ANO6: variants seen among roughly 807,000 people sequenced by gnomAD.
ANO6 encodes anoctamin-6.
In ANO6, 106 loss-of-function variants were observed where a neutral mutation model predicts 117.5. The ratio of observed to expected loss-of-function variants is 0.90; its 90% CI spans 0.77 to 1.06. ANO6 has a LOEUF of 1.06. Ranked by LOEUF, ANO6 falls within the 50% of genes least tolerant of loss-of-function variation. The pLI is 0.00. For synonymous variants in ANO6, 367 were observed against 385.1 expected, an observed-to-expected ratio of 0.95 and a Z score of 0.55; for missense variants, 955 against 1,121.1, an observed-to-expected ratio of 0.85 and a Z score of 2.12.
At chr12:45,296,208 AG>A (rs1939289020) in intron 1 of ANO6, among the ~76,000 whole-genome samples, 1 of 152,210 alleles carries the variant, frequency 6.6e-6, no homozygotes, top group Non-Finnish European at 1.5e-5. Flanking sequence ...GAAGAGTTTC[AG>A]GTACAAGACA....
intron 12 of ANO6, among the ~76,000 whole-genome samples, chr12:45,397,773 G>C (rs190960229): frequency 2.6e-5 from 4 of 152,162 alleles, no homozygotes; most frequent in African/African-American, 9.7e-5. Flanking sequence ...CTCATAGGTG[G>C]GAATTGAACA....
At position 45,350,661 on chromosome 12, in the gene ANO6, C is replaced by A; in HGVS notation, c.750C>A (p.Cys250Ter). 6.2e-7 allele frequency: 1 copy of A among 1,613,294 alleles called. No homozygotes were observed. The highest frequency in any genetic ancestry group is 8.5e-7 in the Non-Finnish European group (1 of 1,179,388). The change falls in exon 7 of 20, where the codon TGC becomes TGA. Residue 250 changes from cysteine (C) to a stop codon, truncating the protein, a stop_gained and splice_region_variant. Coordinates refer to ENST00000320560, the MANE Select transcript of ANO6 (RefSeq NM_001025356.3). LOFTEE classifies it high-confidence loss of function. Reference sequence around the variant, plus strand: ...ACATGTTCCCTTCTGCGTCACAGTGCAAATTCCGCCGTCAGTCAGAGGATC... The same window carrying A: ...ACATGTTCCCTTCTGCGTCACAGTGAAAATTCCGCCGTCAGTCAGAGGATC... ...IYKAAFPLHDCKFRRQSEDPS... is the reference protein window; with the variant it reads ...IYKAAFPLHD
intron 1 of ANO6, among the ~76,000 whole-genome samples, chr12:45,295,317 T>C (rs531251507): frequency 2.5e-4 from 38 of 152,330 alleles, no homozygotes; most frequent in African/African-American, 6.7e-4. Flanking sequence ...TTCTCTCACC[T>C]CATTGTTCAC....
chr12:45,292,459 A>G (rs1202916003), intron 1 of ANO6, among the ~76,000 whole-genome samples: 1 of 152,222 alleles, frequency 6.6e-6, no homozygotes, highest in Non-Finnish European at 1.5e-5. Flanking sequence ...CTAAAGTGGC[A>G]AACTTTATGC....
intron 2 of ANO6, among the ~76,000 whole-genome samples, chr12:45,315,727 C>T (rs1339911913): frequency 6.6e-6 from 1 of 152,000 alleles, no homozygotes; most frequent in Non-Finnish European, 1.5e-5. Flanking sequence ...TTAGTCTTTT[C>T]CTCCTAATCT....
intron 1 of ANO6, among the ~76,000 whole-genome samples, chr12:45,282,455 G>A (rs1209668154): frequency 6.6e-6 from 1 of 152,210 alleles, no homozygotes. Context: ...CCCTCTAAGA[G>A]AATGAAACCA....
chr12:45,430,532 C>T lies in ANO6; in HGVS notation c.*1221C>T, dbSNP rs1046668313. On this transcript the variant is annotated 3_prime_UTR_variant, in exon 20 of 20. Coordinates refer to ENST00000320560, the MANE Select transcript of ANO6 (RefSeq NM_001025356.3). ...GGGCCCAGTAATTTGATGTAACTGTCTGATTGTACTAGAGACAGGAGTATA... is the reference window on the plus strand; with the variant it reads ...GGGCCCAGTAATTTGATGTAACTGTTTGATTGTACTAGAGACAGGAGTATA... 3.0e-6 allele frequency: 3 copies of T among 985,316 alleles called. No homozygotes were observed. Among genetic ancestry groups the T allele is most frequent in the Non-Finnish European group, 3.6e-6 (3 of 829,966 alleles). The allele number at this position is 985,316 out of a possible 1,614,324, so 61.0% of individuals were successfully genotyped here. A position where few individuals can be genotyped will look rare whatever the true frequency, so the allele number is the denominator to read the frequency against.
At chr12:45,409,056 AAAAC>A (rs961381867) in intron 15 of ANO6, among the ~76,000 whole-genome samples, 4 of 152,232 alleles carry the variant, frequency 2.6e-5, no homozygotes, top group African/African-American at 9.6e-5. Context: ...GGGAAATGAA[AAAAC>A]AAACAACTGA....
At chr12:45,360,298 C>T (rs1003271407) in intron 8 of ANO6, among the ~76,000 whole-genome samples, 1 of 152,294 alleles carries the variant, frequency 6.6e-6, no homozygotes, top group East Asian at 1.9e-4. Flanking sequence ...CATTTGGTGT[C>T]TGGTGAGGGC....
rs144855365 is a variant in ANO6, at chr12:45,279,098, A to G, written c.71-22916A>G. ...GAGCCTCTGTTCACTCTTTCCAGAG[A>G]ATACCTTTCAAGTCTTTTCCTAGGT... On this transcript the variant is annotated intron_variant, in intron 1 of 19. Coordinates refer to ENST00000320560, the MANE Select transcript of ANO6 (RefSeq NM_001025356.3). Among the ~76,000 whole-genome samples the G allele has an allele frequency of 2.0e-3, 312 of 152,250 alleles. 4 individuals are homozygous for G. The East Asian group carries it at 0.027, about 13-fold the overall frequency.
At chr12:45,297,320 G>C (rs1422528615) in intron 1 of ANO6, among the ~76,000 whole-genome samples, 1 of 152,042 alleles carries the variant, frequency 6.6e-6, no homozygotes, top group Non-Finnish European at 1.5e-5. Context: ...TTATTCCTAG[G>C]GCACTACCTA....
chr12:45,364,232 G>A (rs1259143481), intron 8 of ANO6, among the ~76,000 whole-genome samples: 1 of 152,094 alleles, frequency 6.6e-6, no homozygotes, highest in African/African-American at 2.4e-5. Context: ...TCTTTGCCAT[G>A]ATTTCTTTGG....
chr12:45,257,456 C>G (rs780540734), intron 1 of ANO6, among the ~76,000 whole-genome samples: 2 of 152,214 alleles, frequency 1.3e-5, no homozygotes, highest in Non-Finnish European at 2.9e-5. Flanking sequence ...CACAGTTGAA[C>G]TTGTTATTTC....
intron 17 of ANO6, among the ~76,000 whole-genome samples, chr12:45,420,136 A>G (rs949589649): frequency 2.0e-5 from 3 of 152,144 alleles, no homozygotes; most frequent in Non-Finnish European, 4.4e-5. Context: ...CTGAGAGTTT[A>G]AAACAAATCA....
At chr12:45,226,000 T>A (rs1275245028) in intron 1 of ANO6, among the ~76,000 whole-genome samples, 1 of 152,242 alleles carries the variant, frequency 6.6e-6, no homozygotes, top group Non-Finnish European at 1.5e-5. Context: ...TGACATTATT[T>A]TTTTTTCTTT....
At chr12:45,280,065 A>G (rs1938672906) in intron 1 of ANO6, among the ~76,000 whole-genome samples, 1 of 152,234 alleles carries the variant, frequency 6.6e-6, no homozygotes, top group African/African-American at 2.4e-5. Context: ...ATAAAATGTT[A>G]GTTTTGAACA....
intron 1 of ANO6, among the ~76,000 whole-genome samples, chr12:45,282,618 C>A (rs1458610174): frequency 6.6e-6 from 1 of 152,078 alleles, no homozygotes; most frequent in Non-Finnish European, 1.5e-5. Flanking sequence ...GGGGCTGAGT[C>A]CATGGTAGAG....
In ANO6 at chr12:45,216,162, C is replaced by T. The variant is rs1947306066; in HGVS notation, c.-160C>T. 6.3e-6 allele frequency: 5 copies of T among 788,352 alleles called. No individual in the cohort carries two copies. The highest frequency in any genetic ancestry group is 5.3e-5 in the African/African-American group (3 of 56,558). The allele number at this position is 788,352 out of a possible 1,614,324, so 48.8% of individuals were successfully genotyped here. On this transcript the variant is annotated 5_prime_UTR_variant, in exon 1 of 20. Transcript: ENST00000320560. ...TCTGGGCTCCGGTCGGTGGGTGCCT[C>T]GGCTCGGCTTTCCCCGGCGCTGGCT... is the stretch of plus-strand genomic sequence containing the variant.
chr12:45,387,341 C>T (rs879790418), intron 10 of ANO6, among the ~76,000 whole-genome samples: 23 of 152,082 alleles, frequency 1.5e-4, no homozygotes, highest in Middle Eastern at 3.4e-3. Context: ...ACTAGTTTTC[C>T]GTATGAATGA....
Sources: allele counts gnomAD v4.1 joint callset (sites outside exome capture counted in the v4.1 genomes callset), GRCh38; gene constraint gnomAD v4.1.1; transcripts MANE v1.5; gene names NCBI Gene and HGNC (gene_info 2026-07-23, HGNC 2026-07-21).